ARHGAP24: variants seen among roughly 807,000 people sequenced by gnomAD.
ARHGAP24 encodes the protein rho GTPase-activating protein 24.
ARHGAP24 carries 50 observed loss-of-function variants against 76.4 expected under a neutral mutation model. The ratio of observed to expected loss-of-function variants is 0.65; its 90% CI spans 0.52 to 0.83. The LOEUF is 0.83. Ranked by LOEUF, ARHGAP24 falls within the 40% of genes least tolerant of loss-of-function variation. The pLI is 0.00. For synonymous variants in ARHGAP24, 345 were observed against 323.3 expected (o/e 1.07, Z -0.72); for missense variants, 930 against 914.2 (o/e 1.02, Z -0.22).
intron 2 of ARHGAP24, among the ~76,000 whole-genome samples, chr4:85,643,076 C>CT (rs74907391): frequency 0.39 from 59,263 of 151,594 alleles, 13,073 homozygotes; most frequent in East Asian, 0.84. Context: ...CCAAGGTTAA[C>CT]CTTTTTCCTT....
chr4:85,655,848 G>GAGAGAGAGAGAC (rs1560571885), intron 2 of ARHGAP24, among the ~76,000 whole-genome samples: 12 of 67,604 alleles, frequency 1.8e-4, no homozygotes, highest in African/African-American at 6.7e-4. Context: ...GAGAGAGACA[G>GAGAGAGAGAGAC]AGAGGAAGTT....
chr4:85,611,279 G>T (rs9884932), intron 2 of ARHGAP24, among the ~76,000 whole-genome samples: 50,257 of 151,940 alleles, frequency 0.33, 9,352 homozygotes, highest in East Asian at 0.84. Flanking sequence ...AATGTGACCT[G>T]GTAAATGTAG....
At chr4:85,639,838 A>G (rs184474695) in intron 2 of ARHGAP24, among the ~76,000 whole-genome samples, 1 of 152,304 alleles carries the variant, frequency 6.6e-6, no homozygotes, top group East Asian at 1.9e-4. Flanking sequence ...CTAGGCTAAT[A>G]TGCCATGATG....
chr4:85,972,120 T>C lies in ARHGAP24; in HGVS notation c.684T>C (p.Tyr228=). 9 of 1,613,934 alleles carry C rather than the reference T, an allele frequency of 5.6e-6. No homozygotes were observed. The highest frequency in any genetic ancestry group is 7.6e-6 in the Non-Finnish European group (9 of 1,179,966). ...LPEPVIPYAK[Y]EDFLSCAKLL... Reference sequence around the variant, plus strand: ...AACCAGTTATTCCTTATGCGAAGTATGAAGATTTTTTGTCATGTGCCAAAC... The same window carrying C: ...AACCAGTTATTCCTTATGCGAAGTACGAAGATTTTTTGTCATGTGCCAAAC... Residue 228 remains tyrosine (Y), a synonymous_variant, in exon 6 of 10, where the codon TAT becomes TAC. Transcript: ENST00000395184.
At chr4:85,635,145 T>C (rs1721276399) in intron 2 of ARHGAP24, among the ~76,000 whole-genome samples, 1 of 151,894 alleles carries the variant, frequency 6.6e-6, no homozygotes, top group South Asian at 2.1e-4. Flanking sequence ...CCCTCCTAAA[T>C]CACCAGTTCT....
intron 1 of ARHGAP24, among the ~76,000 whole-genome samples, chr4:85,569,136 T>C (rs1432034292): frequency 1.3e-5 from 2 of 152,180 alleles, no homozygotes; most frequent in Non-Finnish European, 2.9e-5. Flanking sequence ...TAAAAAATAG[T>C]GATGAATATA....
chr4:85,951,761 AGGTT>A (rs2148832947), intron 5 of ARHGAP24, among the ~76,000 whole-genome samples: 2 of 152,290 alleles, frequency 1.3e-5, no homozygotes, highest in African/African-American at 4.8e-5. Context: ...AATAAGATTC[AGGTT>A]TTGTCTTTGT....
At position 85,772,885 on chromosome 4, in the gene ARHGAP24, A is replaced by G. The variant is rs568804067; in HGVS notation, c.268+50913A>G. On this transcript the variant is annotated intron_variant, in intron 3 of 9. Transcript: ENST00000395184. ...CAATGTCCAAGTTTTGAAAATGTCCAAAATGTATGCTGCCCTCAAAGAGAC... is the reference window on the plus strand; with the variant it reads ...CAATGTCCAAGTTTTGAAAATGTCCGAAATGTATGCTGCCCTCAAAGAGAC... Among the ~76,000 whole-genome samples, 4 of 152,216 alleles carry G rather than the reference A, an allele frequency of 2.6e-5. 1 individual carries two copies. The highest frequency in any genetic ancestry group is 6.6e-5 in the Admixed American group (1 of 15,264).
chr4:85,701,118 A>T (rs757839734), intron 2 of ARHGAP24, among the ~76,000 whole-genome samples: 1 of 152,190 alleles, frequency 6.6e-6, no homozygotes, highest in African/African-American at 2.4e-5. Context: ...GAAAAGGTTT[A>T]TAGGAAAGGA....
intron 3 of ARHGAP24, among the ~76,000 whole-genome samples, chr4:85,862,363 G>A (rs554821094): frequency 1.5e-4 from 23 of 152,166 alleles, no homozygotes; most frequent in African/African-American, 5.3e-4. Context: ...ACAGGTTGGC[G>A]TTTGCCTTAT....
intron 2 of ARHGAP24, among the ~76,000 whole-genome samples, chr4:85,710,537 G>A (rs1266230357): frequency 6.6e-6 from 1 of 152,148 alleles, no homozygotes; most frequent in Non-Finnish European, 1.5e-5. Context: ...AAGACTTACA[G>A]AATGGGAGCA....
chr4:85,754,458 A>AT (rs1726396729), intron 3 of ARHGAP24, among the ~76,000 whole-genome samples: 1 of 152,136 alleles, frequency 6.6e-6, no homozygotes, highest in Non-Finnish European at 1.5e-5. Context: ...TGCACAGCAG[A>AT]TTTTCTCATG....
At position 85,729,395 on chromosome 4, in the gene ARHGAP24, T is replaced by C. The variant is rs182292211; in HGVS notation, c.268+7423T>C. ...ACTTAAAATACATTAAAATATACACTTGAAAGAAGCTATTAACATGGTACA... is the reference window on the plus strand; with the variant it reads ...ACTTAAAATACATTAAAATATACACCTGAAAGAAGCTATTAACATGGTACA... On this transcript the variant is annotated intron_variant, in intron 3 of 9. Coordinates refer to ENST00000395184, the MANE Select transcript of ARHGAP24 (RefSeq NM_001025616.3). 2.6e-5 allele frequency among the ~76,000 whole-genome samples: 4 copies of C among 152,362 alleles called. 1 individual carries two copies. Among genetic ancestry groups the C allele is most frequent in the African/African-American group, 9.6e-5 (4 of 41,586 alleles).
chr4:85,521,592 TC>T lies in ARHGAP24; in HGVS notation c.-21+46037del, dbSNP rs561391265. ...ACCTCACCATTGTCATCACAGCTAA[TC>T]CCCAGCCTGCGTGCTGTGACATTTC... On this transcript the variant is annotated intron_variant, in intron 1 of 9. Transcript: ENST00000395184. 6.0e-4 allele frequency among the ~76,000 whole-genome samples: 92 copies of T among 152,130 alleles called. 1 individual carries two copies. The East Asian group carries it at 0.016, about 27-fold the overall frequency.
intron 3 of ARHGAP24, among the ~76,000 whole-genome samples, chr4:85,748,035 C>G (rs1649638276): frequency 6.6e-6 from 1 of 152,218 alleles, no homozygotes; most frequent in Non-Finnish European, 1.5e-5. Flanking sequence ...GAAGTAGTTT[C>G]TTAGTTGACA....
At chr4:85,930,587 A>C in intron 4 of ARHGAP24, 1 of 1,042,332 alleles carries the variant, frequency 9.6e-7, no homozygotes, top group Non-Finnish European at 1.2e-6. Context: ...AAAAATGCAA[A>C]AACCAATTCC....
At chr4:85,827,247 T>C (rs1245666960) in intron 3 of ARHGAP24, among the ~76,000 whole-genome samples, 1 of 152,198 alleles carries the variant, frequency 6.6e-6, no homozygotes, top group Non-Finnish European at 1.5e-5. Context: ...GAAGTTTGCA[T>C]AATTCCAGTA....
intron 3 of ARHGAP24, among the ~76,000 whole-genome samples, chr4:85,812,729 T>G (rs1022669664): frequency 6.6e-6 from 1 of 152,236 alleles, no homozygotes; most frequent in African/African-American, 2.4e-5. Context: ...CAGGGCTTTC[T>G]GCTTTCATAA....
intron 2 of ARHGAP24, among the ~76,000 whole-genome samples, chr4:85,685,064 T>C (rs1274769315): frequency 6.6e-6 from 1 of 152,210 alleles, no homozygotes; most frequent in Non-Finnish European, 1.5e-5. Flanking sequence ...CAGTAAGTCT[T>C]GCCTCCTTCA....
Sources: allele counts gnomAD v4.1 joint callset (sites outside exome capture counted in the v4.1 genomes callset), GRCh38; gene constraint gnomAD v4.1.1; transcripts MANE v1.5; gene names NCBI Gene and HGNC (gene_info 2026-07-23, HGNC 2026-07-21).